The following NELL1 variants were observed in gnomAD, a reference collection of about 807,000 sequenced individuals.
NELL1 encodes neural EGFL like 1, also known as protein kinase C-binding protein NELL1.
NELL1 carries 76 observed loss-of-function variants against 107.4 expected under a neutral mutation model. That is an observed-to-expected ratio of 0.71 (90% CI 0.59 to 0.86). The LOEUF (loss-of-function observed/expected upper bound fraction) is 0.86, where lower values mean the gene tolerates loss of function less well. NELL1 is among the 40% of genes least tolerant of loss of function. NELL1 has a pLI of 0.00. For synonymous variants in NELL1, 353 were observed against 341.2 expected (o/e 1.03, Z -0.38); for missense variants, 1,024 against 1,005.5 (o/e 1.02, Z -0.25).
At chr11:21,276,790 A>C (rs1397780285) in intron 14 of NELL1, among the ~76,000 whole-genome samples, 1 of 152,228 alleles carries the variant, frequency 6.6e-6, no homozygotes, top group Non-Finnish European at 1.5e-5. Context: ...AAAAACAAGC[A>C]ATGGGGAAAG....
At chr11:21,228,672 T>C (rs1286242747) in intron 13 of NELL1, among the ~76,000 whole-genome samples, 6 of 128,790 alleles carry the variant, frequency 4.7e-5, no homozygotes, top group Non-Finnish European at 9.7e-5. Context: ...TTTGTTTCTT[T>C]TCCCCTCTCC....
At chr11:21,146,770 C>T (rs560761767) in intron 13 of NELL1, among the ~76,000 whole-genome samples, 13 of 151,856 alleles carry the variant, frequency 8.6e-5, no homozygotes, top group African/African-American at 2.7e-4. Flanking sequence ...TGGCCGGGTG[C>T]GGTGACTCAT....
chr11:21,316,258 T>A (rs2133656600), intron 14 of NELL1, among the ~76,000 whole-genome samples: 1 of 152,298 alleles, frequency 6.6e-6, no homozygotes, highest in African/African-American at 2.4e-5. Context: ...TGTCAAGTTA[T>A]GACTTTTATT....
At chr11:21,177,632 T>A (rs561316138) in intron 13 of NELL1, among the ~76,000 whole-genome samples, 20 of 151,856 alleles carry the variant, frequency 1.3e-4, no homozygotes, top group Non-Finnish European at 2.5e-4. Context: ...GGGTATATGC[T>A]CAGTAGTGAG....
chr11:20,815,790 CT>C (rs1474660793), intron 3 of NELL1, among the ~76,000 whole-genome samples: 1 of 151,922 alleles, frequency 6.6e-6, no homozygotes, highest in Non-Finnish European at 1.5e-5. Flanking sequence ...ATTTGAGGTC[CT>C]ACTTTTAAGT....
intron 15 of NELL1, chr11:21,383,770 A>G (rs1851669699): frequency 2.0e-5 from 3 of 151,262 alleles, no homozygotes. Context: ...GTAATCCAGA[A>G]TAGTCCTGAT....
intron 17 of NELL1, among the ~76,000 whole-genome samples, chr11:21,569,101 G>A (rs973383272): frequency 6.6e-6 from 1 of 151,530 alleles, no homozygotes; most frequent in Non-Finnish European, 1.5e-5. Context: ...TAATGGCTGC[G>A]ATGTCACTAG....
chr11:21,175,127 G>A (rs1002550047), intron 13 of NELL1, among the ~76,000 whole-genome samples: 13 of 151,712 alleles, frequency 8.6e-5, no homozygotes, highest in South Asian at 4.1e-4. Context: ...TAGTAGCAGC[G>A]TAATTCTGAC....
chr11:21,211,989 C>T (rs1857507817), intron 13 of NELL1, among the ~76,000 whole-genome samples: 1 of 151,998 alleles, frequency 6.6e-6, no homozygotes. Context: ...CCACACCTGG[C>T]TAATTTTTGT....
At chr11:21,277,331 A>G (rs1269554073) in intron 14 of NELL1, among the ~76,000 whole-genome samples, 1 of 152,106 alleles carries the variant, frequency 6.6e-6, no homozygotes, top group Non-Finnish European at 1.5e-5. Flanking sequence ...GAGAAATGCA[A>G]ATCAAAACTA....
intron 5 of NELL1, among the ~76,000 whole-genome samples, chr11:20,908,338 A>C (rs1374605832): frequency 6.6e-6 from 1 of 152,218 alleles, no homozygotes; most frequent in African/African-American, 2.4e-5. Flanking sequence ...TGATAAAGAA[A>C]ATGTGGTACA....
At chr11:20,855,832 G>A (rs1181691003) in intron 4 of NELL1, among the ~76,000 whole-genome samples, 1 of 151,758 alleles carries the variant, frequency 6.6e-6, no homozygotes, top group African/African-American at 2.4e-5. Flanking sequence ...AAGATCATTG[G>A]GGATAAAAAA....
rs192479983 is a variant in NELL1 at position 20,678,205 on chromosome 11, G to T, written c.184+145G>T. On this transcript the variant is annotated intron_variant, in intron 2 of 19. Coordinates refer to ENST00000357134, the MANE Select transcript of NELL1 (RefSeq NM_006157.5). ...TCTTGAGTGTTTAGATATGCAGGGG[G>T]TATTATTCTGAGGGCAGGAGGGAGG... is the stretch of plus-strand genomic sequence containing the variant. The T allele has an allele frequency of 1.9e-4, 171 of 884,148 alleles. No homozygotes were observed. The African/African-American group carries it at 2.4e-3, about 12-fold the overall frequency. 54.8% of individuals were successfully genotyped at this position (884,148 alleles called of 1,614,324 possible). A position where few individuals can be genotyped will look rare whatever the true frequency, so the allele number is the denominator to read the frequency against.
chr11:21,108,386 T>A (rs1855021194), intron 12 of NELL1, among the ~76,000 whole-genome samples: 1 of 152,124 alleles, frequency 6.6e-6, no homozygotes, highest in Non-Finnish European at 1.5e-5. Context: ...CATTTTACAG[T>A]CCATAAGTAC....
At chr11:20,689,599 C>T (rs10833378) in intron 2 of NELL1, among the ~76,000 whole-genome samples, 123,300 of 145,838 alleles carry the variant, frequency 0.85, 52,583 homozygotes, top group Non-Finnish European at 0.87. Flanking sequence ...TTCATGTCCC[C>T]ACAAAGGACA....
intron 15 of NELL1, chr11:21,504,109 AAGAGGTCTGCGAG>A (rs1855221086): frequency 6.6e-6 from 1 of 152,210 alleles, no homozygotes; most frequent in African/African-American, 2.4e-5. Context: ...GGCTCCATGA[AAGAGGTCTGCGAG>A]AGCAGGGACC....
chr11:21,544,765 T>G (rs1186515911), intron 16 of NELL1, among the ~76,000 whole-genome samples: 1 of 151,944 alleles, frequency 6.6e-6, no homozygotes, highest in African/African-American at 2.4e-5. Flanking sequence ...TGGATTTGGT[T>G]TCTATTATTA....
rs866703245 is a variant in NELL1 at position 21,204,582 on chromosome 11, T to A, written c.1427-24750T>A. Reference sequence around the variant, plus strand: ...TGCTCCTTTAGCTCGGAGGAGTTTGTTATTATCCACCTTCTGAAGCCTACT... The same window carrying A: ...TGCTCCTTTAGCTCGGAGGAGTTTGATATTATCCACCTTCTGAAGCCTACT... On this transcript the variant is annotated intron_variant, in intron 13 of 19. Coordinates refer to ENST00000357134, the MANE Select transcript of NELL1 (RefSeq NM_006157.5). Among the ~76,000 whole-genome samples the A allele has an allele frequency of 2.6e-5, 4 of 151,852 alleles. No homozygotes were observed. In the South Asian group the frequency reaches 8.3e-4, roughly 31 times the overall value.
chr11:21,141,285 T>C (rs1249279403), intron 13 of NELL1, among the ~76,000 whole-genome samples: 1 of 152,248 alleles, frequency 6.6e-6, no homozygotes, highest in Non-Finnish European at 1.5e-5. Context: ...TGATATTCAG[T>C]TAATTGTTCC....
Sources: gnomAD v4.1 joint callset for allele counts (sites outside exome capture counted in the v4.1 genomes callset) on GRCh38, gnomAD v4.1.1 for gene constraint, MANE v1.5 for transcripts, NCBI Gene and HGNC (gene_info 2026-07-23, HGNC 2026-07-21) for gene names.